Variants in XPO5 observed in about 807,000 individuals in gnomAD.
XPO5 encodes the protein exportin 5.
A neutral mutation model predicts 160.6 loss-of-function variants in XPO5; 46 were observed. The ratio of observed to expected loss-of-function variants is 0.29; its 90% CI spans 0.23 to 0.37. The LOEUF is 0.37. Ranked by LOEUF, XPO5 falls within the 10% of genes least tolerant of loss-of-function variation. The pLI is 1.00. For synonymous variants in XPO5, 537 were observed against 519.3 expected (o/e 1.03, Z -0.46); for missense variants, 1,090 against 1,463.9 (o/e 0.74, Z 4.17).
intron 20 of XPO5, among the ~76,000 whole-genome samples, chr6:43,545,579 C>T (rs149465011): frequency 1.4e-3 from 215 of 152,150 alleles, no homozygotes; most frequent in Non-Finnish European, 2.7e-3. Context: ...TGGTGGTGCA[C>T]ACCTGTAGTC....
intron 1 of XPO5, among the ~76,000 whole-genome samples, chr6:43,575,191 C>A (rs1222178297): frequency 6.6e-6 from 1 of 152,154 alleles, no homozygotes; most frequent in African/African-American, 2.4e-5. Flanking sequence ...ATATTACACT[C>A]AAAAACATGG....
chr6:43,550,985 A>G (rs1336012058), intron 15 of XPO5: 1 of 188,062 alleles, frequency 5.3e-6, no homozygotes, highest in Non-Finnish European at 1.1e-5. Context: ...CTAAAGAGTG[A>G]GGCACTAGCA....
chr6:43,561,892 G>A (rs1762435144), intron 9 of XPO5: 1 of 166,604 alleles, frequency 6.0e-6, no homozygotes, highest in Admixed American at 6.3e-5. Flanking sequence ...ATTGGGAAAA[G>A]AGTTCTTTAT....
chr6:43,524,077 G>A lies in XPO5; in HGVS notation c.3478-72C>T, dbSNP rs1189634061. 14 of 1,550,248 alleles carry A rather than the reference G, an allele frequency of 9.0e-6. No homozygotes were observed. In the East Asian group the frequency reaches 2.4e-4, roughly 26 times the overall value. ...AGTTAAAAGATTCTCTTGGCCCGGC[G>A]CAGTGGCTCGCGCCTGTAATCCCAA... is the stretch of plus-strand genomic sequence containing the variant. On this transcript the variant is annotated intron_variant, in intron 31 of 31. Coordinates refer to ENST00000265351, the MANE Select transcript of XPO5 (RefSeq NM_020750.3).
At position 43,575,829 on chromosome 6, in the gene XPO5, C is replaced by G. The variant is rs1267471511; in HGVS notation, c.36G>C (p.Gln12His). Residue 12 changes from glutamine (Q) to histidine (H), a missense_variant, in exon 1 of 32, where the codon CAG (glutamine) becomes CAC (histidine). Coordinates refer to ENST00000265351, the MANE Select transcript of XPO5 (RefSeq NM_020750.3). ...AMDQVNALCE[Q>H]LVKAVTVMMD... is the part of the protein sequence containing the mutation. ...TCATGACCGTCACCGCTTTCACCAGCTGCTCGCACAGCGCGTTTACTTGAT... is the reference window on the plus strand; with the variant it reads ...TCATGACCGTCACCGCTTTCACCAGGTGCTCGCACAGCGCGTTTACTTGAT... 1 of 1,613,812 alleles carries G rather than the reference C, an allele frequency of 6.2e-7. No homozygotes were observed.
intron 20 of XPO5, among the ~76,000 whole-genome samples, chr6:43,542,861 C>G (rs1240874947): frequency 6.6e-6 from 1 of 152,128 alleles, no homozygotes; most frequent in Non-Finnish European, 1.5e-5. Flanking sequence ...AATTCTACTC[C>G]TATGTGTGTA....
chr6:43,539,621 C>A, intron 20 of XPO5: 1 of 1,367,892 alleles, frequency 7.3e-7, no homozygotes, highest in Non-Finnish European at 1.0e-6. Context: ...ACTGGCGAAA[C>A]CTCTGCGGAA....
chr6:43,566,638 A>G (rs1186699135), intron 7 of XPO5: 1 of 428,158 alleles, frequency 2.3e-6, no homozygotes, highest in Admixed American at 2.4e-5. Context: ...GCAAAACCTC[A>G]TCTCTACTAA....
rs1008706501 is a variant in XPO5 at position 43,567,105 on chromosome 6, A to G, written c.834+64T>C. 5.4e-6 allele frequency: 8 copies of G among 1,480,858 alleles called. No homozygotes were observed. In the African/African-American group the frequency reaches 9.8e-5, roughly 18 times the overall value. The allele number at this position is 1,480,858 out of a possible 1,614,324, so 91.7% of individuals were successfully genotyped here. On this transcript the variant is annotated intron_variant, in intron 7 of 31. Coordinates refer to ENST00000265351, the MANE Select transcript of XPO5 (RefSeq NM_020750.3). ...TAAATGACTTTCTGCCACAACATGC[A>G]ATTAAACACATACACAGCCTACTTC...
chr6:43,573,420 A>G, intron 2 of XPO5, 60 bp downstream of exon 2: 1 of 1,600,336 alleles, frequency 6.2e-7, no homozygotes, highest in Non-Finnish European at 8.5e-7. Context: ...TCTATAGGTT[A>G]TATAAGATAT....
chr6:43,522,629 T>C lies in XPO5; in HGVS notation c.*1239A>G. The C allele has an allele frequency of 2.4e-6, 1 of 409,208 alleles. No individual in the cohort carries two copies. Among genetic ancestry groups the C allele is most frequent in the Non-Finnish European group, 5.4e-6 (1 of 185,688 alleles). 25.3% of individuals were successfully genotyped at this position (409,208 alleles called of 1,614,324 possible). Reference sequence around the variant, plus strand: ...CTCCCAACTTCTGCTTCCCCAGCTTTGCTTCTTCTCAATCTGACCCTGCCT... The same window carrying C: ...CTCCCAACTTCTGCTTCCCCAGCTTCGCTTCTTCTCAATCTGACCCTGCCT... On this transcript the variant is annotated 3_prime_UTR_variant, in exon 32 of 32. Coordinates refer to ENST00000265351, the MANE Select transcript of XPO5 (RefSeq NM_020750.3).
intron 13 of XPO5, among the ~76,000 whole-genome samples, chr6:43,554,072 T>C (rs1761883383): frequency 6.6e-6 from 1 of 152,156 alleles, no homozygotes; most frequent in Non-Finnish European, 1.5e-5. Context: ...AGCACTCAAA[T>C]AGCAAGGCAC....
rs773628413 is a variant in XPO5, at chr6:43,570,669, A to G, written c.454T>C (p.Leu152=). 6.2e-6 allele frequency: 10 copies of G among 1,610,948 alleles called. No homozygotes were observed. In the South Asian group the frequency reaches 1.0e-4, roughly 16 times the overall value. ...AGTCGCAAAAGGATAAACATCACCAATTCTGTCTGTGTTTCCTACACCAAT... is the reference window on the plus strand; with the variant it reads ...AGTCGCAAAAGGATAAACATCACCAGTTCTGTCTGTGTTTCCTACACCAAT... ...LSKQGETQTE[L]VMFILLRLAE... Residue 152 remains leucine (L), a synonymous_variant, in exon 5 of 32, where the codon TTG becomes CTG. Transcript: ENST00000265351.
chr6:43,542,891 A>G (rs1259319165), intron 20 of XPO5, among the ~76,000 whole-genome samples: 3 of 152,204 alleles, frequency 2.0e-5, no homozygotes, highest in African/African-American at 4.8e-5. Flanking sequence ...AATTATATAT[A>G]TATGTTCACA....
intron 21 of XPO5, 181 bp downstream of exon 21, chr6:43,533,726 T>C (rs555200599): frequency 5.6e-5 from 21 of 375,752 alleles, no homozygotes; most frequent in South Asian, 5.2e-4. Flanking sequence ...GTCCAACTAC[T>C]CGGGAGGCTG....
rs76080426 is a variant in XPO5 at position 43,574,774 on chromosome 6, T to C, written c.105+986A>G. 3.9e-3 allele frequency among the ~76,000 whole-genome samples: 588 copies of C among 152,320 alleles called. 4 individuals carry two copies. Among genetic ancestry groups the C allele is most frequent in the African/African-American group, 0.014 (563 of 41,572 alleles). Reference sequence around the variant, plus strand: ...TTGCTGAATTTAGGTGACAGGAACATGCAGAATCACTGTCGTATTCTCTCC... The same window carrying C: ...TTGCTGAATTTAGGTGACAGGAACACGCAGAATCACTGTCGTATTCTCTCC... On this transcript the variant is annotated intron_variant, in intron 1 of 31. Transcript: ENST00000265351.
At chr6:43,568,810 A>C in intron 5 of XPO5, 73 bp from the exon 6 acceptor site, 5 of 1,290,178 alleles carry the variant, frequency 3.9e-6, no homozygotes, top group Non-Finnish European at 5.3e-6. Flanking sequence ...CCCCCCACAA[A>C]TCAATGCCCT....
At chr6:43,525,271 G>GTGTA in intron 28 of XPO5, 57 bp from the exon 29 acceptor site, 2 of 1,481,074 alleles carry the variant, frequency 1.4e-6, no homozygotes, top group Non-Finnish European at 9.2e-7. Context: ...TTTCTCTGAT[G>GTGTA]ATTATTACAC....
In XPO5 at chr6:43,524,879, C is replaced by A. The variant is rs367791985; in HGVS notation, c.3264G>T (p.Gly1088=). Residue 1088 remains glycine (G), a synonymous_variant, in exon 30 of 32, where the codon GGG becomes GGT. Transcript: ENST00000265351. ...CCAGATGGACCAGGGAAGCCATGCA[C>A]CCGTCGTGCTGCCCGTGCATCTGTA... ...KGLQMHGQHD[G]CMASLVHLAF... The A allele has an allele frequency of 6.2e-7, 1 of 1,613,878 alleles. No homozygotes were observed. Among genetic ancestry groups the A allele is most frequent in the African/African-American group, 1.3e-5 (1 of 74,922 alleles).
Sources: gnomAD v4.1 joint callset for allele counts (sites outside exome capture counted in the v4.1 genomes callset) on GRCh38, gnomAD v4.1.1 for gene constraint, MANE v1.5 for transcripts, NCBI Gene and HGNC (gene_info 2026-07-23, HGNC 2026-07-21) for gene names.